The following DLG4 variants were observed in gnomAD, a reference collection of about 807,000 sequenced individuals.
DLG4 encodes the protein discs large MAGUK scaffold protein 4.
A neutral mutation model predicts 93.8 loss-of-function variants in DLG4; 7 were observed. That is an observed-to-expected ratio of 0.07 (90% CI 0.04 to 0.14). The LOEUF (loss-of-function observed/expected upper bound fraction) is 0.14. Ranked by LOEUF, DLG4 falls within the 10% of genes least tolerant of loss-of-function variation. The pLI is 1.00. For missense variants in DLG4, 545 were observed against 992.9 expected (o/e 0.55, Z 6.06); for synonymous variants, 341 against 387.6 (o/e 0.88, Z 1.41).
chr17:7,192,749 G>A (rs1423787523), intron 17 of DLG4, among the ~76,000 whole-genome samples, 196 bp downstream of exon 17: 4 of 151,884 alleles, frequency 2.6e-5, no homozygotes, highest in African/African-American at 9.7e-5. Flanking sequence ...CAGGAAGTGA[G>A]GGAGGTGGGA....
intron 1 of DLG4, among the ~76,000 whole-genome samples, chr17:7,212,259 C>A (rs969647113): frequency 8.5e-5 from 13 of 152,188 alleles, no homozygotes; most frequent in Admixed American, 4.6e-4. Context: ...ATCTCCTACT[C>A]TAACCAGCAT....
rs1239623153 is a variant in DLG4 at position 7,191,032 on chromosome 17, C to A, written c.2069-218G>T. 2.3e-5 allele frequency among the ~76,000 whole-genome samples: 3 copies of A among 128,364 alleles called. No homozygotes were observed. The highest frequency in any genetic ancestry group is 4.6e-5 in the Non-Finnish European group (3 of 64,576). 84.2% of individuals were successfully genotyped at this position (128,364 alleles called of 152,430 possible). On this transcript the variant is annotated intron_variant, in intron 19 of 19. Coordinates refer to ENST00000399506, the MANE Select transcript of DLG4 (RefSeq NM_001321075.3). The surrounding 1 kb of genome is among the most constrained non-coding windows in gnomAD (Gnocchi z 6.6). ...AGCGCCAGGCTGGAGTGCAGTGGTG[C>A]GATCTCGGCTCACTGCAACCTCTGC...
chr17:7,207,827 C>T (rs1422945975), intron 2 of DLG4, among the ~76,000 whole-genome samples: 2 of 152,096 alleles, frequency 1.3e-5, no homozygotes, highest in East Asian at 3.9e-4. Flanking sequence ...CGCACACACA[C>T]ATTCTTGCTT....
rs760218164 is a variant in DLG4, at chr17:7,190,823, G to A, written c.2069-9C>T. 8 of 1,612,268 alleles carry A rather than the reference G, an allele frequency of 5.0e-6. No individual in the cohort carries two copies. The East Asian group carries it at 6.7e-5, about 13-fold the overall frequency. On this transcript the variant is annotated splice_polypyrimidine_tract_variant and intron_variant, in intron 19 of 19. Coordinates refer to ENST00000399506, the MANE Select transcript of DLG4 (RefSeq NM_001321075.3). ...GTCACCCTCCACGATGGCTGGGAGT[G>A]GGGTGGAGCAGGGAGTGAGGCCAAG...
In DLG4 at chr17:7,189,488, C is replaced by CA. The variant is rs1024405831; in HGVS notation, c.*1219dup. ...TGTGCGACAGAGCAAGACTCTGTCT[C>CA]AAAAAAAAAAACAAAAAAACAAAAA... On this transcript the variant is annotated 3_prime_UTR_variant, in exon 20 of 20. Transcript: ENST00000399506. 8.2e-4 allele frequency among the ~76,000 whole-genome samples: 110 copies of CA among 134,070 alleles called. No individual in the cohort carries two copies. The highest frequency in any genetic ancestry group is 4.7e-3 in the East Asian group (22 of 4,720). The allele number at this position is 134,070 out of a possible 152,430, so 88.0% of individuals were successfully genotyped here.
rs1443366553 is a variant in DLG4 at position 7,203,919 on chromosome 17, G to T, written c.210+89C>A. 6.3e-7 allele frequency: 1 copy of T among 1,588,030 alleles called. No individual in the cohort carries two copies. The highest frequency in any genetic ancestry group is 1.3e-5 in the African/African-American group (1 of 74,258). ...GGAGCAGCCAGAGGAGGAAGGCACAGGGTGAGGGGCTAGCCACCCAGACCA... is the reference window on the plus strand; with the variant it reads ...GGAGCAGCCAGAGGAGGAAGGCACATGGTGAGGGGCTAGCCACCCAGACCA... On this transcript the variant is annotated intron_variant, in intron 4 of 19. Transcript: ENST00000399506. This position sits in a 1 kb window ranked among gnomAD's most constrained non-coding sequence, Gnocchi z 7.2.
chr17:7,210,752 G>A (rs1351565493), intron 1 of DLG4, among the ~76,000 whole-genome samples: 2 of 152,138 alleles, frequency 1.3e-5, no homozygotes, highest in African/African-American at 2.4e-5. Context: ...GAGGGTTTGA[G>A]TCCAGTGCCT....
At chr17:7,205,422 G>T (rs558843659) in intron 2 of DLG4, among the ~76,000 whole-genome samples, 1 of 152,210 alleles carries the variant, frequency 6.6e-6, no homozygotes, top group Admixed American at 6.5e-5. Context: ...TCCTTCCGGG[G>T]TCCCCAACCT....
intron 8 of DLG4, among the ~76,000 whole-genome samples, chr17:7,201,461 G>A (rs1462971856): frequency 1.3e-5 from 2 of 152,106 alleles, no homozygotes; most frequent in African/African-American, 4.8e-5. Flanking sequence ...TATCCCACAA[G>A]GCACAGAACA....
intron 1 of DLG4, among the ~76,000 whole-genome samples, chr17:7,212,830 C>T (rs141804853): frequency 0.034 from 5,198 of 152,118 alleles, 109 homozygotes; most frequent in African/African-American, 0.043. Flanking sequence ...GTCAGGCGTT[C>T]CAGACCAGCC....
Position 7,188,194 on chromosome 17 carries a change from G to A in DLG4, c.*2514C>T, listed in dbSNP as rs111959429. On this transcript the variant is annotated 3_prime_UTR_variant, in exon 20 of 20. Transcript: ENST00000399506. ...CTATCCCCAGGATCCTGATGGACTC[G>A]GTCCTGCATAGAAAATCCTGCAGGG... is the stretch of plus-strand genomic sequence containing the variant. Among the ~76,000 whole-genome samples the A allele has an allele frequency of 4.6e-5, 7 of 152,192 alleles. No homozygotes were observed. Among genetic ancestry groups the A allele is most frequent in the Admixed American group, 2.0e-4 (3 of 15,282 alleles).
chr17:7,218,444 C>T, upstream of DLG4: 1 of 1,417,576 alleles, frequency 7.1e-7, no homozygotes. Flanking sequence ...GCATGGTGCT[C>T]CAGCTTGGAC....
intron 1 of DLG4, among the ~76,000 whole-genome samples, chr17:7,215,520 G>A (rs897553998): frequency 5.3e-5 from 8 of 152,316 alleles, no homozygotes; most frequent in Admixed American, 5.2e-4. Flanking sequence ...CAGGCCTAAG[G>A]GCAGGAGACA....
chr17:7,208,304 C>T lies in DLG4; in HGVS notation c.31-65G>A, dbSNP rs1402493441. 1 of 1,285,068 alleles carries T rather than the reference C, an allele frequency of 7.8e-7. No homozygotes were observed. The highest frequency in any genetic ancestry group is 3.1e-5 in the Admixed American group (1 of 32,632). 79.6% of individuals were successfully genotyped at this position (1,285,068 alleles called of 1,614,324 possible). On this transcript the variant is annotated intron_variant, in intron 1 of 19. Coordinates refer to ENST00000399506, the MANE Select transcript of DLG4 (RefSeq NM_001321075.3). This position sits in a 1 kb window ranked among gnomAD's most constrained non-coding sequence, Gnocchi z 5.4. ...TGCCTCAGGCTCCAGGCTGGCCGCCCTGGCCGCCGCCTCTTCCCCCAGCCA... is the reference window on the plus strand; with the variant it reads ...TGCCTCAGGCTCCAGGCTGGCCGCCTTGGCCGCCGCCTCTTCCCCCAGCCA...
At position 7,203,713 on chromosome 17, in the gene DLG4, G is replaced by A; in HGVS notation, c.314C>T (p.Ala105Val). ...FITKIIPGGAAAQDGRLRVND... is the reference protein window; with the variant it reads ...FITKIIPGGAVAQDGRLRVND... ...CCACCTGAGGCGGCCATCCTGGGCC[G>A]CAGCCCCACCAGGAATGATCTTGGT... is the stretch of plus-strand genomic sequence containing the variant. Residue 105 changes from alanine to valine, a missense_variant, in exon 5 of 20, where the codon GCG becomes GTG. Physicochemically the swap from Ala to Val is moderately conservative, Grantham distance 64 (BLOSUM62 0). Around this residue, in one of 5 missense-constraint regions of DLG4, gnomAD observed 33 missense variants for 107.5 expected, o/e 0.31. Coordinates refer to ENST00000399506, the MANE Select transcript of DLG4 (RefSeq NM_001321075.3). The surrounding 1 kb of genome is among the most constrained non-coding windows in gnomAD (Gnocchi z 7.2). 1 of 1,613,886 alleles carries A rather than the reference G, an allele frequency of 6.2e-7. No homozygotes were observed. The highest frequency in any genetic ancestry group is 2.2e-5 in the East Asian group (1 of 44,860).
rs1429071298 is a variant in DLG4 at position 7,187,380 on chromosome 17, C to T, written c.*3328G>A. 1.4e-5 allele frequency among the ~76,000 whole-genome samples: 2 copies of T among 143,026 alleles called. No individual in the cohort carries two copies. The highest frequency in any genetic ancestry group is 5.0e-5 in the African/African-American group (2 of 39,748). 93.8% of individuals were successfully genotyped at this position (143,026 alleles called of 152,430 possible). On this transcript the variant is annotated 3_prime_UTR_variant, in exon 20 of 20. Transcript: ENST00000399506. ...GATCAATATGGTGAAATCCCCATCT[C>T]TACTAAATACAAAAAATTAGCTGGG...
chr17:7,203,256 C>T lies in DLG4; in HGVS notation c.579G>A (p.Lys193=), dbSNP rs1010815719. The T allele has an allele frequency of 2.6e-5, 42 of 1,610,910 alleles. No individual in the cohort carries two copies. Among genetic ancestry groups the T allele is most frequent in the Non-Finnish European group, 3.0e-5 (35 of 1,177,468 alleles). Residue 193 remains lysine (K), a synonymous_variant, in exon 7 of 20, where the codon AAG becomes AAA. Transcript: ENST00000399506. This position sits in a 1 kb window ranked among gnomAD's most constrained non-coding sequence, Gnocchi z 7.2. ...IPGDNSIYVT[K]IIEGGAAHKD... ...TGTGGGCAGCACCCCCTTCGATGAT[C>T]TTTGTTACATAGATGCTATTATCTC...
At position 7,193,114 on chromosome 17, in the gene DLG4, G is replaced by A. The variant is rs1363705056; in HGVS notation, c.1697C>T (p.Thr566Met). ...PDKFGSCVPH[T>M]TRPKREYEID... ...CTCATACTCCCGCTTGGGCCGTGTC[G>A]TATCTGCCAGGAAGTCACCCCACCC... Residue 566 changes from threonine (T) to methionine (M), a missense_variant, in exon 17 of 20, where the codon ACG becomes ATG. By Grantham distance (81) the Thr-to-Met change is moderately conservative. Transcript: ENST00000399506. The surrounding 1 kb of genome is among the most constrained non-coding windows in gnomAD (Gnocchi z 6.7). 1.9e-6 allele frequency: 3 copies of A among 1,613,532 alleles called. No individual in the cohort carries two copies. Among genetic ancestry groups the A allele is most frequent in the Non-Finnish European group, 1.7e-6 (2 of 1,179,660 alleles).
chr17:7,196,585 G>C lies in DLG4; in HGVS notation c.1084-10C>G, dbSNP rs1364324227. ...GGTCCACACCGTTGACCTAGAGAGA[G>C]GACGACAGGCTGTGTCACCAGAGAC... is the stretch of plus-strand genomic sequence containing the variant. On this transcript the variant is annotated splice_polypyrimidine_tract_variant and intron_variant, in intron 9 of 19. Transcript: ENST00000399506. The surrounding 1 kb of genome is among the most constrained non-coding windows in gnomAD (Gnocchi z 8.3). The C allele has an allele frequency of 6.2e-7, 1 of 1,613,820 alleles. No individual in the cohort carries two copies.
Sources: allele counts gnomAD v4.1 joint callset (sites outside exome capture counted in the v4.1 genomes callset), GRCh38; gene constraint gnomAD v4.1.1; regional missense constraint gnomAD v4.1.1; non-coding constraint Gnocchi (gnomAD v3.1); transcripts MANE v1.5; gene names NCBI Gene and HGNC (gene_info 2026-07-23, HGNC 2026-07-21).